Variants in MTSS1 observed in about 807,000 individuals in gnomAD.
MTSS1 encodes the protein MTSS I-BAR domain containing 1, also known as protein MTSS 1.
In MTSS1, 18 loss-of-function variants were observed where a neutral mutation model predicts 79.0. That is an observed-to-expected ratio of 0.23 (90% CI 0.16 to 0.34). MTSS1 has a LOEUF of 0.34. Among genes scored for constraint, MTSS1 ranks in the 10% least tolerant of loss-of-function variants. MTSS1 has a pLI of 1.00. For missense variants in MTSS1, 815 were observed against 986.2 expected (o/e 0.83, Z 2.33); for synonymous variants, 341 against 368.6 (o/e 0.93, Z 0.86).
chr8:124,714,518 A>C (rs906204143), intron 1 of MTSS1, among the ~76,000 whole-genome samples: 1 of 152,132 alleles, frequency 6.6e-6, no homozygotes, highest in Non-Finnish European at 1.5e-5. Flanking sequence ...GCTGGAGTGC[A>C]GTGGTGCTGT....
chr8:124,671,045 C>CAT lies in MTSS1; in HGVS notation c.208+28480_208+28481insAT, dbSNP rs1554710502. ...ATCTTCTAGAACATTTTTCTTTTTT[C>CAT]TTTTTCTTTTTTTCCTGAAAAGCCT... On this transcript the variant is annotated intron_variant, in intron 3 of 13. Coordinates refer to ENST00000518547, the MANE Select transcript of MTSS1 (RefSeq NM_014751.6). Among the ~76,000 whole-genome samples, 164 of 150,554 alleles carry CAT rather than the reference C, an allele frequency of 1.1e-3. No individual in the cohort carries two copies. In the South Asian group the frequency reaches 0.019, roughly 18 times the overall value.
chr8:124,610,159 A>T (rs1281508699), intron 3 of MTSS1, among the ~76,000 whole-genome samples: 1 of 152,262 alleles, frequency 6.6e-6, no homozygotes, highest in Non-Finnish European at 1.5e-5. Flanking sequence ...ACTATGTGCA[A>T]GGTATTAACA....
In MTSS1 at chr8:124,553,809, C is replaced by T. The variant is rs1823000212; in HGVS notation, c.1568-117G>A. 3 of 881,228 alleles carry T rather than the reference C, an allele frequency of 3.4e-6. No individual in the cohort carries two copies. In the East Asian group the frequency reaches 8.0e-5, roughly 23 times the overall value. The allele number at this position is 881,228 out of a possible 1,614,324, so 54.6% of individuals were successfully genotyped here. ...GGTACACACACAGTCTCATCCCAAG[C>T]TTCCCCCAGGCTTCTCTACCATCTT... On this transcript the variant is annotated intron_variant, in intron 13 of 13. Coordinates refer to ENST00000518547, the MANE Select transcript of MTSS1 (RefSeq NM_014751.6). The surrounding 1 kb of genome is among the most constrained non-coding windows in gnomAD (Gnocchi z 6.0).
At chr8:124,696,324 A>AT (rs1379250895) in intron 3 of MTSS1, among the ~76,000 whole-genome samples, 1 of 152,114 alleles carries the variant, frequency 6.6e-6, no homozygotes, top group African/African-American at 2.4e-5. Context: ...AGCATGTCCT[A>AT]TTTTTTAAAT....
At position 124,683,201 on chromosome 8, in the gene MTSS1, G is replaced by A. The variant is rs566659037; in HGVS notation, c.208+16325C>T. ...GTTTCTTATACACAAATGTTTTAAC[G>A]TTTAATGTGTAATGTTTAACATGTG... On this transcript the variant is annotated intron_variant, in intron 3 of 13. Transcript: ENST00000518547. The surrounding 1 kb of genome is among the most constrained non-coding windows in gnomAD (Gnocchi z 4.5). Among the ~76,000 whole-genome samples the A allele has an allele frequency of 2.0e-5, 3 of 151,814 alleles. No homozygotes were observed. The highest frequency in any genetic ancestry group is 3.9e-4 in the East Asian group (2 of 5,188).
At chr8:124,637,398 T>C (rs528783926) in intron 3 of MTSS1, among the ~76,000 whole-genome samples, 4 of 152,228 alleles carry the variant, frequency 2.6e-5, no homozygotes, top group Non-Finnish European at 5.9e-5. Context: ...GTGAGGAATA[T>C]ACAGGAGAGA....
chr8:124,551,405 C>T lies in MTSS1; in HGVS notation c.*1587G>A, dbSNP rs1822499370. On this transcript the variant is annotated 3_prime_UTR_variant, in exon 14 of 14. Transcript: ENST00000518547. Reference sequence around the variant, plus strand: ...AACATAAAATGTCCTTGAGCAATCGCAGCAGTGTTCAATGTTAATATATAG... The same window carrying T: ...AACATAAAATGTCCTTGAGCAATCGTAGCAGTGTTCAATGTTAATATATAG... 6.5e-6 allele frequency: 1 copy of T among 152,766 alleles called. No homozygotes were observed. Among genetic ancestry groups the T allele is most frequent in the Non-Finnish European group, 1.5e-5 (1 of 68,034 alleles). The allele number at this position is 152,766 out of a possible 1,614,324, so 9.5% of individuals were successfully genotyped here. A position where few individuals can be genotyped will look rare whatever the true frequency, so the allele number is the denominator to read the frequency against.
intron 3 of MTSS1, among the ~76,000 whole-genome samples, chr8:124,620,814 AAAATT>A (rs1813353970): frequency 6.6e-6 from 1 of 152,242 alleles, no homozygotes; most frequent in Admixed American, 6.5e-5. Flanking sequence ...TCCTGCATAA[AAAATT>A]AAATTAAAAA....
At chr8:124,689,080 C>A (rs1205547663) in intron 3 of MTSS1, among the ~76,000 whole-genome samples, 1 of 150,472 alleles carries the variant, frequency 6.6e-6, no homozygotes, top group East Asian at 1.9e-4. Context: ...GAAGAATTCA[C>A]TGCCAAATTC....
rs191181529 is a variant in MTSS1 at position 124,621,155 on chromosome 8, C to A, written c.209-29920G>T. 1.4e-4 allele frequency among the ~76,000 whole-genome samples: 21 copies of A among 152,302 alleles called. No individual in the cohort carries two copies. The East Asian group carries it at 3.5e-3, about 25-fold the overall frequency. On this transcript the variant is annotated intron_variant, in intron 3 of 13. Coordinates refer to ENST00000518547, the MANE Select transcript of MTSS1 (RefSeq NM_014751.6). ...ACCCACAAAGGAAAGAAAACAATGACAATACTGCGATCGCCATGACTCTGA... is the reference window on the plus strand; with the variant it reads ...ACCCACAAAGGAAAGAAAACAATGAAAATACTGCGATCGCCATGACTCTGA...
chr8:124,704,400 C>T (rs1473901964), intron 1 of MTSS1, among the ~76,000 whole-genome samples: 1 of 152,192 alleles, frequency 6.6e-6, no homozygotes, highest in Non-Finnish European at 1.5e-5. Context: ...CTTGTAAATA[C>T]TACAAACATC....
At chr8:124,657,381 C>T (rs117757179) in intron 3 of MTSS1, among the ~76,000 whole-genome samples, 11,050 of 151,536 alleles carry the variant, frequency 0.073, 425 homozygotes, top group Middle Eastern at 0.096. Flanking sequence ...TTTAAAACTT[C>T]CCATAATAAA....
intron 6 of MTSS1, chr8:124,580,775 C>T (rs981200307): frequency 5.8e-5 from 29 of 503,822 alleles, no homozygotes; most frequent in African/African-American, 5.4e-4. Flanking sequence ...CCTTCCTTCT[C>T]ATCTAAACAA....
intron 1 of MTSS1, among the ~76,000 whole-genome samples, chr8:124,721,314 A>C (rs1398331773): frequency 6.6e-6 from 1 of 151,966 alleles, no homozygotes; most frequent in Non-Finnish European, 1.5e-5. Flanking sequence ...AAAAAATCAC[A>C]ACGGACAGAA....
At position 124,591,227 on chromosome 8, in the gene MTSS1, T is replaced by TTTTTCA; in HGVS notation, c.216_217insTGAAAA (p.Thr72_Arg73insTer). On this transcript the variant is annotated stop_gained and inframe_insertion, in exon 4 of 14. Transcript: ENST00000518547. LOFTEE classifies it high-confidence loss of function. Reference sequence around the variant, plus strand: ...CTGGTGAGAGCAGATCCAATCTCCCTGGTCCCACCTGAAAAAGCAACAGAG... The same window carrying TTTTTCA: ...CTGGTGAGAGCAGATCCAATCTCCCTTTTTCAGGTCCCACCTGAAAAAGCAACAGAG... 6.2e-7 allele frequency: 1 copy of TTTTTCA among 1,614,146 alleles called. No homozygotes were observed. Among genetic ancestry groups the TTTTTCA allele is most frequent in the Non-Finnish European group, 8.5e-7 (1 of 1,179,978 alleles).
chr8:124,684,436 A>C (rs1826620983), intron 3 of MTSS1, among the ~76,000 whole-genome samples: 1 of 152,266 alleles, frequency 6.6e-6, no homozygotes, highest in Non-Finnish European at 1.5e-5. Context: ...TGTGAGTTGC[A>C]AGCATAAAGA....
intron 13 of MTSS1, 111 bp downstream of exon 13, chr8:124,555,631 A>G (rs1823491148): frequency 3.2e-6 from 4 of 1,267,178 alleles, no homozygotes; most frequent in African/African-American, 1.5e-5. Flanking sequence ...CAATCCTGAC[A>G]CCTGTTAGTT....
chr8:124,704,231 A>T (rs1364246832), intron 1 of MTSS1, 40 bp from the exon 2 acceptor site: 1 of 1,547,182 alleles, frequency 6.5e-7, no homozygotes, highest in Non-Finnish European at 8.9e-7. Context: ...ACACTGCGAT[A>T]GACATCTGAT....
chr8:124,726,052 G>A (rs1332721339), intron 1 of MTSS1, among the ~76,000 whole-genome samples: 1 of 152,012 alleles, frequency 6.6e-6, no homozygotes, highest in African/African-American at 2.4e-5. Flanking sequence ...AACTCAAACC[G>A]AAAGAAGTCA....
Sources: gnomAD v4.1 joint callset for allele counts (sites outside exome capture counted in the v4.1 genomes callset) on GRCh38, gnomAD v4.1.1 for gene constraint, Gnocchi (gnomAD v3.1) non-coding constraint, MANE v1.5 for transcripts, NCBI Gene and HGNC (gene_info 2026-07-23, HGNC 2026-07-21) for gene names.